The following GATB variants were observed in gnomAD, a reference collection of about 807,000 sequenced individuals.
The protein encoded by GATB is glutamyl-tRNA amidotransferase subunit B.
In GATB, 39 loss-of-function variants were observed where a neutral mutation model predicts 62.3. The ratio of observed to expected loss-of-function variants is 0.63; its 90% CI spans 0.48 to 0.82. The LOEUF (loss-of-function observed/expected upper bound fraction) is 0.82, where lower values mean the gene tolerates loss of function less well. GATB is among the 40% of genes least tolerant of loss of function. GATB has a pLI of 0.00. For synonymous variants in GATB, 276 were observed against 258.9 expected (o/e 1.07, Z -0.63); for missense variants, 670 against 684.0 (o/e 0.98, Z 0.23).
Position 151,730,175 on chromosome 4 carries a change from C to T in GATB, c.328-10637G>A, listed in dbSNP as rs59462421. Reference sequence around the variant, plus strand: ...GCTTTCCCCTTCTTCCCTGACAACCCGCATGACTCAGCAGAGGCAGCCATA... The same window carrying T: ...GCTTTCCCCTTCTTCCCTGACAACCTGCATGACTCAGCAGAGGCAGCCATA... On this transcript the variant is annotated intron_variant, in intron 2 of 12. Coordinates refer to ENST00000263985, the MANE Select transcript of GATB (RefSeq NM_004564.3). This position sits in a 1 kb window ranked among gnomAD's most constrained non-coding sequence, Gnocchi z 4.1. 0.013 allele frequency among the ~76,000 whole-genome samples: 1,929 copies of T among 152,166 alleles called. 39 individuals are homozygous for T. The highest frequency in any genetic ancestry group is 0.039 in the African/African-American group (1,624 of 41,478).
At position 151,671,304 on chromosome 4, in the gene GATB, TAGA is replaced by T. The variant is rs2126949198; in HGVS notation, c.1546-5_1546-3del. ...GTTTCTGTTCTTCACATCCATTACCTAGAAGGACAGAAATTACTTACTTAAGAG... is the reference window on the plus strand; with the variant it reads ...GTTTCTGTTCTTCACATCCATTACCTAGGACAGAAATTACTTACTTAAGAG... On this transcript the variant is annotated splice_polypyrimidine_tract_variant and splice_region_variant and intron_variant, in intron 12 of 12. Transcript: ENST00000263985. 6.4e-7 allele frequency: 1 copy of T among 1,572,196 alleles called. No individual in the cohort carries two copies. The highest frequency in any genetic ancestry group is 1.1e-5 in the South Asian group (1 of 89,528).
At chr4:151,759,522 C>A (rs1378670428) in intron 1 of GATB, among the ~76,000 whole-genome samples, 1 of 152,118 alleles carries the variant, frequency 6.6e-6, no homozygotes, top group Non-Finnish European at 1.5e-5. Context: ...TGCAAAACTC[C>A]ACCACACTAA....
chr4:151,707,738 T>C (rs1052594304), intron 6 of GATB, among the ~76,000 whole-genome samples: 2 of 152,202 alleles, frequency 1.3e-5, no homozygotes, highest in Admixed American at 6.5e-5. Context: ...AAAGATCACA[T>C]GGATGGAGAA....
Position 151,716,922 on chromosome 4 carries a change from G to A in GATB, c.594C>T (p.Leu198=), listed in dbSNP as rs775326109. The A allele has an allele frequency of 6.2e-7, 1 of 1,614,206 alleles. No individual in the cohort carries two copies. ...GCGTCTGAGACCTCAGGTTGTCGTGGAGGCTTTTGCCACTGTCTTGCTCCA... is the reference window on the plus strand; with the variant it reads ...GCGTCTGAGACCTCAGGTTGTCGTGAAGGCTTTTGCCACTGTCTTGCTCCA... The part of the protein sequence containing the change: ...IQLEQDSGKS[L]HDNLRSQTLI... Residue 198 remains leucine (L), a synonymous_variant, in exon 4 of 13, where the codon CTC becomes CTT. Transcript: ENST00000263985.
At chr4:151,694,164 G>A (rs1231844062) in intron 9 of GATB, among the ~76,000 whole-genome samples, 4 of 152,230 alleles carry the variant, frequency 2.6e-5, no homozygotes, top group Non-Finnish European at 1.5e-5. Context: ...CAGAGGCAGT[G>A]AGGATTTGCT....
rs75029272 is a variant in GATB at position 151,688,632 on chromosome 4, C to T, written c.1329G>A (p.Glu443=). Residue 443 remains glutamate, a splice_region_variant and synonymous_variant, in exon 10 of 13, where the codon GAG becomes GAA. Transcript: ENST00000263985. ...AAGAAATCCCAGACCTCACTCACCT[C>T]TCACTGACAGCGAGGTTCTGTTGCT... ...YLKQQNLAVS[E]SPVTPSALAE... 6,809 of 1,603,940 alleles carry T rather than the reference C, an allele frequency of 4.2e-3. 335 individuals are homozygous for T. The Admixed American group carries it at 0.087, about 21-fold the overall frequency.
rs1738099993 is a variant in GATB, at chr4:151,679,890, G to C, written c.1333C>G (p.Pro445Ala). Reference sequence around the variant, plus strand: ...TCAGCGAGTGCAGAGGGTGTGACAGGACTGGTGGCCCCCAAAAGAGAAAAC... The same window carrying C: ...TCAGCGAGTGCAGAGGGTGTGACAGCACTGGTGGCCCCCAAAAGAGAAAAC... ...KQQNLAVSES[P>A]VTPSALAELL... The change falls in exon 11 of 13, where the codon CCT becomes GCT. Residue 445 changes from proline (P) to alanine (A), a missense_variant and splice_region_variant. Pro to Ala is a conservative substitution (Grantham distance 27). Transcript: ENST00000263985. The C allele has an allele frequency of 6.2e-7, 1 of 1,613,880 alleles. No individual in the cohort carries two copies. The highest frequency in any genetic ancestry group is 1.1e-5 in the South Asian group (1 of 91,070).
At chr4:151,695,965 G>T (rs1169323987) in intron 9 of GATB, among the ~76,000 whole-genome samples, 2 of 141,848 alleles carry the variant, frequency 1.4e-5, no homozygotes, top group Non-Finnish European at 3.0e-5. Flanking sequence ...AGAGATAGGG[G>T]TCTCACTACA....
chr4:151,676,621 G>A (rs1368139349), intron 11 of GATB: 1 of 152,294 alleles, frequency 6.6e-6, no homozygotes, highest in Non-Finnish European at 1.5e-5. Context: ...TGTCTTTAGT[G>A]AGGGGAGGAG....
At chr4:151,733,591 A>G (rs905894332) in intron 2 of GATB, among the ~76,000 whole-genome samples, 4 of 152,238 alleles carry the variant, frequency 2.6e-5, no homozygotes, top group African/African-American at 9.6e-5. Context: ...TAAAGAAGGA[A>G]TCTTCCCTAA....
At chr4:151,739,767 C>T (rs1006342052) in intron 2 of GATB, among the ~76,000 whole-genome samples, 7 of 152,106 alleles carry the variant, frequency 4.6e-5, no homozygotes, top group African/African-American at 1.2e-4. Flanking sequence ...TTCTCTTGTC[C>T]CCAAAAGAGT....
intron 1 of GATB, among the ~76,000 whole-genome samples, chr4:151,760,164 C>T (rs1286828447): frequency 6.6e-6 from 1 of 151,976 alleles, no homozygotes; most frequent in African/African-American, 2.4e-5. Flanking sequence ...TAGAAACTTG[C>T]CATATGTTTC....
intron 2 of GATB, among the ~76,000 whole-genome samples, chr4:151,731,500 C>T (rs1382155815): frequency 6.6e-6 from 1 of 152,198 alleles, no homozygotes; most frequent in Non-Finnish European, 1.5e-5. Flanking sequence ...CTTGGCCTCC[C>T]AAAGTGCCGA....
chr4:151,757,219 A>G, intron 2 of GATB, among the ~76,000 whole-genome samples: 1 of 152,172 alleles, frequency 6.6e-6, no homozygotes. Flanking sequence ...CTCCACATCT[A>G]TCTTCTCCCA....
At position 151,722,468 on chromosome 4, in the gene GATB, A is replaced by G. The variant is rs1330136062; in HGVS notation, c.328-2930T>C. ...ACAAAGGCCAAGCTCTTACATGATC[A>G]AACTCCTGCCTACATCTTCAATTTC... On this transcript the variant is annotated intron_variant, in intron 2 of 12. Coordinates refer to ENST00000263985, the MANE Select transcript of GATB (RefSeq NM_004564.3). 17 of 473,290 alleles carry G rather than the reference A, an allele frequency of 3.6e-5. No homozygotes were observed. In the East Asian group the frequency reaches 6.4e-4, roughly 18 times the overall value. The allele number at this position is 473,290 out of a possible 1,614,324, so 29.3% of individuals were successfully genotyped here.
chr4:151,760,672 C>A, intron 1 of GATB, 135 bp downstream of exon 1: 1 of 671,064 alleles, frequency 1.5e-6, no homozygotes, highest in East Asian at 3.1e-5. Context: ...ATTTAGGTTT[C>A]GGGGCTCCAG....
chr4:151,731,161 C>G (rs927209054), intron 2 of GATB, among the ~76,000 whole-genome samples: 5 of 143,354 alleles, frequency 3.5e-5, no homozygotes, highest in African/African-American at 1.3e-4. Context: ...CCCTCTGATG[C>G]CAAGCCGAGG....
intron 2 of GATB, chr4:151,719,875 A>C: frequency 5.4e-6 from 1 of 186,290 alleles, no homozygotes; most frequent in Non-Finnish European, 1.1e-5. Context: ...ATCTAATCTC[A>C]CTCCCTCTAC....
chr4:151,699,510 C>A (rs1738556839), intron 9 of GATB, among the ~76,000 whole-genome samples: 1 of 152,050 alleles, frequency 6.6e-6, no homozygotes, highest in African/African-American at 2.4e-5. Flanking sequence ...CTATTTAAGG[C>A]CTACTAGGTT....
Sources: gnomAD v4.1 joint callset for allele counts (sites outside exome capture counted in the v4.1 genomes callset) on GRCh38, gnomAD v4.1.1 for gene constraint, Gnocchi (gnomAD v3.1) non-coding constraint, MANE v1.5 for transcripts, NCBI Gene and HGNC (gene_info 2026-07-23, HGNC 2026-07-21) for gene names.